The following SBF2 variants were observed in gnomAD, a reference collection of about 807,000 sequenced individuals.
The protein encoded by SBF2 is myotubularin-related protein 13.
Under a neutral mutation model 225.2 loss-of-function variants are expected in SBF2, and 112 were observed. The ratio of observed to expected loss-of-function variants is 0.50; its 90% CI spans 0.43 to 0.58. The LOEUF is 0.58. Among genes scored for constraint, SBF2 ranks in the 20% least tolerant of loss-of-function variants. The pLI, the probability that SBF2 is intolerant of heterozygous loss-of-function variation, is 0.00. For missense variants in SBF2, 1,996 were observed against 2,206.2 expected (o/e 0.90, Z 1.91); for synonymous variants, 763 against 773.3 (o/e 0.99, Z 0.22).
At chr11:9,784,038 TG>T (rs1228443634) in intron 38 of SBF2, among the ~76,000 whole-genome samples, 1 of 152,254 alleles carries the variant, frequency 6.6e-6, no homozygotes, top group African/African-American at 2.4e-5. Flanking sequence ...TCCCCTCACC[TG>T]GGTGTTAAGA....
At chr11:10,079,583 T>C (rs985034656) in intron 2 of SBF2, among the ~76,000 whole-genome samples, 11 of 152,122 alleles carry the variant, frequency 7.2e-5, no homozygotes, top group Non-Finnish European at 1.0e-4. Context: ...ACAAAGCATT[T>C]GAGAAGTATG....
intron 26 of SBF2, chr11:9,838,633 A>G (rs1213769533): frequency 6.6e-6 from 1 of 152,220 alleles, no homozygotes; most frequent in Non-Finnish European, 1.5e-5. Context: ...AAAATGACAT[A>G]TCTATCTTCA....
chr11:9,797,792 G>C (rs1249079869), intron 32 of SBF2, among the ~76,000 whole-genome samples: 1 of 152,162 alleles, frequency 6.6e-6, no homozygotes, highest in Non-Finnish European at 1.5e-5. Flanking sequence ...AACATAGTGA[G>C]ACCTTTTCTC....
intron 1 of SBF2, among the ~76,000 whole-genome samples, chr11:10,203,899 G>A (rs1029962787): frequency 3.3e-5 from 5 of 151,984 alleles, no homozygotes; most frequent in Non-Finnish European, 7.4e-5. Context: ...GGCCTAATAT[G>A]CATGTAACAG....
intron 2 of SBF2, among the ~76,000 whole-genome samples, chr11:10,127,007 G>C (rs1203980489): frequency 6.6e-6 from 1 of 151,892 alleles, no homozygotes; most frequent in Non-Finnish European, 1.5e-5. Flanking sequence ...GACATACAAG[G>C]GAACAGAGAT....
chr11:9,876,423 T>C (rs1162161792), intron 17 of SBF2, among the ~76,000 whole-genome samples: 1 of 152,124 alleles, frequency 6.6e-6, no homozygotes, highest in East Asian at 1.9e-4. Context: ...CCCATATTTG[T>C]AGTAAGGAAG....
intron 1 of SBF2, among the ~76,000 whole-genome samples, chr11:10,265,071 A>AT (rs1295274367): frequency 6.6e-6 from 1 of 152,096 alleles, no homozygotes; most frequent in African/African-American, 2.4e-5. Context: ...CAGCAGAATG[A>AT]TTTATAATCC....
At chr11:10,054,897 TTTTTTTTTG>T (rs1950198136) in intron 2 of SBF2, among the ~76,000 whole-genome samples, 2 of 44,906 alleles carry the variant, frequency 4.5e-5, no homozygotes, top group South Asian at 1.3e-3. Flanking sequence ...GTTTGCATGT[TTTTTTTTTG>T]TTTTTTTGTT....
At chr11:10,276,402 G>GA (rs1962963194) in intron 1 of SBF2, among the ~76,000 whole-genome samples, 1 of 151,900 alleles carries the variant, frequency 6.6e-6, no homozygotes, top group African/African-American at 2.4e-5. Flanking sequence ...AAAATAGTTG[G>GA]AAAAAAAACT....
chr11:9,888,264 A>T (rs1860499751), intron 17 of SBF2, among the ~76,000 whole-genome samples: 2 of 152,170 alleles, frequency 1.3e-5, no homozygotes, highest in African/African-American at 4.8e-5. Flanking sequence ...TGGGGAAGCC[A>T]AGGGGGAGGA....
rs137914163 is a variant in SBF2 at position 10,136,320 on chromosome 11, G to A, written c.141+57582C>T. On this transcript the variant is annotated intron_variant, in intron 2 of 39. Coordinates refer to ENST00000256190, the MANE Select transcript of SBF2 (RefSeq NM_030962.4). ...ATATCAGGCTTCCTTGGTGACAAGC[G>A]TATCTTTGCTCTAATGAAGAAACTC... 3.1e-3 allele frequency among the ~76,000 whole-genome samples: 473 copies of A among 152,182 alleles called. 2 individuals are homozygous for A. Among genetic ancestry groups the A allele is most frequent in the Non-Finnish European group, 5.0e-3 (337 of 68,006 alleles).
At chr11:10,110,960 T>G (rs1349102178) in intron 2 of SBF2, among the ~76,000 whole-genome samples, 1 of 152,176 alleles carries the variant, frequency 6.6e-6, no homozygotes, top group Non-Finnish European at 1.5e-5. Flanking sequence ...TAGTCATATA[T>G]CAATGCAAAT....
At chr11:10,228,542 A>G (rs1958680218) in intron 1 of SBF2, among the ~76,000 whole-genome samples, 1 of 152,060 alleles carries the variant, frequency 6.6e-6, no homozygotes, top group South Asian at 2.1e-4. Context: ...GCATTGTTGA[A>G]TTTTCAAAGG....
At chr11:10,033,674 AC>A (rs1949341081) in intron 3 of SBF2, among the ~76,000 whole-genome samples, 1 of 151,946 alleles carries the variant, frequency 6.6e-6, no homozygotes, top group Non-Finnish European at 1.5e-5. Context: ...ACACACACAC[AC>A]ACACACACAC....
intron 10 of SBF2, among the ~76,000 whole-genome samples, chr11:9,993,597 T>C (rs749155668): frequency 7.9e-5 from 12 of 152,250 alleles, no homozygotes; most frequent in Non-Finnish European, 1.2e-4. Context: ...TTGTTTTGAA[T>C]CCTTGTGTGG....
At chr11:10,293,467 G>A (rs1451834656) in intron 1 of SBF2, among the ~76,000 whole-genome samples, 1 of 152,178 alleles carries the variant, frequency 6.6e-6, no homozygotes, top group East Asian at 1.9e-4. Context: ...GGGTAAAAGT[G>A]CAAAGAATCC....
intron 1 of SBF2, among the ~76,000 whole-genome samples, chr11:10,201,267 G>A (rs772954838): frequency 3.3e-5 from 5 of 152,168 alleles, no homozygotes; most frequent in Admixed American, 6.5e-5. Flanking sequence ...TCCCATTTGT[G>A]ATTTGGAAAA....
In SBF2 at chr11:9,994,577, C is replaced by CATATATATATATATATATATATATAT. The variant is rs377348270; in HGVS notation, c.976-580_976-579insATATATATATATATATATATATATAT. Among the ~76,000 whole-genome samples, 1,002 of 133,640 alleles carry CATATATATATATATATATATATATAT rather than the reference C, an allele frequency of 7.5e-3. 24 individuals carry two copies. The highest frequency in any genetic ancestry group is 0.021 in the East Asian group (85 of 4,014). 87.7% of individuals were successfully genotyped at this position (133,640 alleles called of 152,430 possible). On this transcript the variant is annotated intron_variant, in intron 9 of 39. Coordinates refer to ENST00000256190, the MANE Select transcript of SBF2 (RefSeq NM_030962.4). ...AATAAACCCTAAATCTATATATGTA[C>CATATATATATATATATATATATATAT]ATATATATATATATATGAAAATGAA...
chr11:9,977,848 T>C (rs1946770855), intron 13 of SBF2, among the ~76,000 whole-genome samples: 1 of 152,102 alleles, frequency 6.6e-6, no homozygotes, highest in African/African-American at 2.4e-5. Context: ...CCTACTCACA[T>C]TCCTAAAATC....
Sources: allele counts gnomAD v4.1 joint callset (sites outside exome capture counted in the v4.1 genomes callset), GRCh38; gene constraint gnomAD v4.1.1; transcripts MANE v1.5; gene names NCBI Gene and HGNC (gene_info 2026-07-23, HGNC 2026-07-21).